The following SLC25A13 variants were observed in gnomAD, a reference collection of about 807,000 sequenced individuals.
The protein encoded by SLC25A13 is solute carrier family 25 member 13.
Under a neutral mutation model 85.5 loss-of-function variants are expected in SLC25A13, and 70 were observed. That is an observed-to-expected ratio of 0.82 (90% CI 0.68 to 1.00). The LOEUF is 1.00. SLC25A13 is among the 50% of genes least tolerant of loss of function. The pLI is 0.00. For missense variants in SLC25A13, 765 were observed against 819.8 expected (o/e 0.93, Z 0.82); for synonymous variants, 259 against 288.7 (o/e 0.90, Z 1.04).
At chr7:96,159,498 T>C (rs966718403) in intron 13 of SLC25A13, among the ~76,000 whole-genome samples, 1 of 152,096 alleles carries the variant, frequency 6.6e-6, no homozygotes, top group South Asian at 2.1e-4. Context: ...AAGGCGGCCA[T>C]CTGCAAGAAA....
At chr7:96,300,043 T>G (rs962233454) in intron 1 of SLC25A13, among the ~76,000 whole-genome samples, 1 of 152,170 alleles carries the variant, frequency 6.6e-6, no homozygotes, top group African/African-American at 2.4e-5. Flanking sequence ...AACTGCAATA[T>G]AGTACAAGCC....
At chr7:96,279,666 G>C (rs1176489482) in intron 2 of SLC25A13, among the ~76,000 whole-genome samples, 2 of 152,168 alleles carry the variant, frequency 1.3e-5, no homozygotes, top group East Asian at 3.8e-4. Flanking sequence ...TGAAATTTGG[G>C]TGGGGACACA....
intron 13 of SLC25A13, among the ~76,000 whole-genome samples, chr7:96,166,015 C>A (rs1584399015): frequency 2.6e-5 from 4 of 152,336 alleles, no homozygotes; most frequent in Admixed American, 2.6e-4. Context: ...TGGTAGGAAT[C>A]AGGCAGGAAA....
chr7:96,317,319 T>A (rs1800167845), intron 1 of SLC25A13, among the ~76,000 whole-genome samples: 1 of 152,028 alleles, frequency 6.6e-6, no homozygotes, highest in African/African-American at 2.4e-5. Flanking sequence ...CTCAGAGCCT[T>A]CATCTATAAA....
intron 5 of SLC25A13, among the ~76,000 whole-genome samples, chr7:96,200,345 A>G (rs1452762086): frequency 1.3e-5 from 2 of 152,246 alleles, no homozygotes; most frequent in Admixed American, 6.5e-5. Context: ...TCTATATTAC[A>G]TCACATATCA....
intron 3 of SLC25A13, among the ~76,000 whole-genome samples, chr7:96,239,209 A>G (rs1455609046): frequency 1.3e-5 from 2 of 149,810 alleles, no homozygotes; most frequent in Non-Finnish European, 3.0e-5. Context: ...TATGAGTATT[A>G]TACATCTATG....
chr7:96,204,055 G>A (rs1213693887), intron 5 of SLC25A13, among the ~76,000 whole-genome samples: 2 of 152,074 alleles, frequency 1.3e-5, no homozygotes, highest in Non-Finnish European at 2.9e-5. Flanking sequence ...CCACCCTTTT[G>A]GGATACTTCT....
At chr7:96,198,064 T>A (rs1158236234) in intron 5 of SLC25A13, among the ~76,000 whole-genome samples, 2 of 152,176 alleles carry the variant, frequency 1.3e-5, no homozygotes, top group African/African-American at 4.8e-5. Flanking sequence ...ATGTCAAGAA[T>A]TTAACCTTAT....
chr7:96,215,726 A>G (rs1053705495), intron 4 of SLC25A13, among the ~76,000 whole-genome samples: 2 of 152,158 alleles, frequency 1.3e-5, no homozygotes, highest in African/African-American at 4.8e-5. Flanking sequence ...ATTTTAGAAA[A>G]AAATATAGAC....
chr7:96,231,960 CTGCTGGTAGGAGTGTAAA>C (rs1209200840), intron 4 of SLC25A13, among the ~76,000 whole-genome samples: 1 of 152,120 alleles, frequency 6.6e-6, no homozygotes, highest in Admixed American at 6.5e-5. Flanking sequence ...CATTTATACA[CTGCTGGTAGGAGTGTAAA>C]TGCTGGTAGG....
At chr7:96,295,986 G>A (rs958264615) in intron 2 of SLC25A13, among the ~76,000 whole-genome samples, 29 of 151,378 alleles carry the variant, frequency 1.9e-4, no homozygotes, top group African/African-American at 4.6e-4. Flanking sequence ...AAGGTGTTTC[G>A]GTGTCTGGAA....
At chr7:96,237,222 G>T (rs1796777841) in intron 3 of SLC25A13, among the ~76,000 whole-genome samples, 1 of 152,160 alleles carries the variant, frequency 6.6e-6, no homozygotes, top group Non-Finnish European at 1.5e-5. Flanking sequence ...AAACTTTCTT[G>T]CTGCAAAAAA....
intron 5 of SLC25A13, among the ~76,000 whole-genome samples, chr7:96,207,802 G>C (rs1795515414): frequency 1.3e-5 from 2 of 152,188 alleles, no homozygotes; most frequent in Admixed American, 6.5e-5. Context: ...GTGGGGGAAG[G>C]GGGTCACGAG....
At chr7:96,261,761 A>G (rs1050860120) in intron 3 of SLC25A13, among the ~76,000 whole-genome samples, 3 of 152,218 alleles carry the variant, frequency 2.0e-5, no homozygotes, top group Non-Finnish European at 2.9e-5. Flanking sequence ...TGAGTAATTC[A>G]TTTTAAAAAT....
chr7:96,296,653 G>T (rs1799361772), intron 2 of SLC25A13, among the ~76,000 whole-genome samples: 1 of 151,886 alleles, frequency 6.6e-6, no homozygotes, highest in South Asian at 2.1e-4. Context: ...GCTAGTTTTG[G>T]TACTTTCAGT....
rs181164391 is a variant in SLC25A13 at position 96,149,969 on chromosome 7, T to G, written c.1312-3273A>C. ...TGGCTGTGTGAAGATACTGTTTTTT[T>G]TGTGTGTGTGCAATTTTGTCACAAA... On this transcript the variant is annotated intron_variant, in intron 13 of 17. Coordinates refer to ENST00000265631, the MANE Select transcript of SLC25A13 (RefSeq NM_014251.3). Among the ~76,000 whole-genome samples, 879 of 152,194 alleles carry G rather than the reference T, an allele frequency of 5.8e-3. 16 individuals are homozygous for G. The highest frequency in any genetic ancestry group is 4.6e-3 in the East Asian group (24 of 5,186).
At chr7:96,304,216 T>C (rs1180435775) in intron 1 of SLC25A13, among the ~76,000 whole-genome samples, 1 of 152,206 alleles carries the variant, frequency 6.6e-6, no homozygotes, top group Non-Finnish European at 1.5e-5. Context: ...CAAGATGCCC[T>C]GTTAAGCATT....
intron 4 of SLC25A13, among the ~76,000 whole-genome samples, chr7:96,225,236 G>C (rs1796288320): frequency 6.6e-6 from 1 of 152,110 alleles, no homozygotes; most frequent in African/African-American, 2.4e-5. Flanking sequence ...CGGGAGCCAA[G>C]TCATACAGAT....
At chr7:96,154,820 C>T (rs1346231041) in intron 13 of SLC25A13, among the ~76,000 whole-genome samples, 7 of 141,262 alleles carry the variant, frequency 5.0e-5, no homozygotes, top group Non-Finnish European at 9.0e-5. Context: ...TTTTTTAAGA[C>T]AGAGTCTCTC....
Sources: allele counts gnomAD v4.1 joint callset (sites outside exome capture counted in the v4.1 genomes callset), GRCh38; gene constraint gnomAD v4.1.1; transcripts MANE v1.5; gene names NCBI Gene and HGNC (gene_info 2026-07-23, HGNC 2026-07-21).